HMOX2: variants seen among roughly 807,000 people sequenced by gnomAD.
HMOX2 encodes heme oxygenase (decycling) 2.
In HMOX2, 30 loss-of-function variants were observed where a neutral mutation model predicts 33.7. That is an observed-to-expected ratio of 0.89 (90% CI 0.67 to 1.21). The LOEUF is 1.21. Ranked by LOEUF, HMOX2 falls within the 50% of genes most tolerant of loss-of-function variation. HMOX2 has a pLI of 0.00. For synonymous variants in HMOX2, 155 were observed against 155.0 expected, an observed-to-expected ratio of 1.00 and a Z score of 0.00; for missense variants, 403 against 399.1, an observed-to-expected ratio of 1.01 and a Z score of -0.08.
intron 5 of HMOX2, 41 bp from the exon 6 acceptor site, chr16:4,509,588 A>C: frequency 6.2e-7 from 1 of 1,613,322 alleles, no homozygotes; most frequent in Middle Eastern, 1.7e-4. Flanking sequence ...GTAGCAGGAG[A>C]CTCCACTGAT....
At chr16:4,484,390 A>G (rs1413843709) in intron 1 of HMOX2, among the ~76,000 whole-genome samples, 2 of 151,884 alleles carry the variant, frequency 1.3e-5, no homozygotes, top group African/African-American at 4.8e-5. Flanking sequence ...ATCCCTCAGT[A>G]TCTGTGGAGA....
In HMOX2 at chr16:4,505,494, G is replaced by A. The variant is rs1199843396; in HGVS notation, c.-31G>A. On this transcript the variant is annotated 5_prime_UTR_variant, in exon 2 of 6. Transcript: ENST00000570646. ...CTTGTGTCTCTGCAGGACCAGAGGAGCGAGAGCAGCAAGAACCACACCCAG... is the reference window on the plus strand; with the variant it reads ...CTTGTGTCTCTGCAGGACCAGAGGAACGAGAGCAGCAAGAACCACACCCAG... 1 of 1,554,756 alleles carries A rather than the reference G, an allele frequency of 6.4e-7. No individual in the cohort carries two copies. The highest frequency in any genetic ancestry group is 8.8e-7 in the Non-Finnish European group (1 of 1,137,400).
At chr16:4,483,286 A>C in intron 1 of HMOX2, among the ~76,000 whole-genome samples, 1 of 151,232 alleles carries the variant, frequency 6.6e-6, no homozygotes, top group East Asian at 1.9e-4. Context: ...TGATCAACTC[A>C]ACCTTTAGAC....
intron 1 of HMOX2, among the ~76,000 whole-genome samples, chr16:4,482,354 CAA>C (rs2058052240): frequency 6.6e-6 from 1 of 152,112 alleles, no homozygotes. Flanking sequence ...CAAAAAAACC[CAA>C]AGTCTTTTTT....
At position 4,507,897 on chromosome 16, in the gene HMOX2, C is replaced by T; in HGVS notation, c.389C>T (p.Ala130Val). 2.5e-6 allele frequency: 4 copies of T among 1,614,098 alleles called. No homozygotes were observed. Among genetic ancestry groups the T allele is most frequent in the Non-Finnish European group, 3.4e-6 (4 of 1,180,004 alleles). Residue 130 changes from alanine (A) to valine (V), a missense_variant, in exon 4 of 6, where the codon GCT (alanine) becomes GTT (valine). By Grantham distance (64) the Ala-to-Val change is moderately conservative. Coordinates refer to ENST00000570646, the MANE Select transcript of HMOX2 (RefSeq NM_002134.4). ...NWEEQVQCPK[A>V]AQKYVERIHY... ...GAGGAGCAGGTGCAGTGCCCCAAGG[C>T]TGCCCAGAAGTACGTGGAGCGGATC...
chr16:4,483,838 C>T (rs2058093977), intron 1 of HMOX2: 1 of 152,122 alleles, frequency 6.6e-6, no homozygotes, highest in African/African-American at 2.4e-5. Context: ...TCTTGAACTC[C>T]TGACCTCAAG....
chr16:4,478,247 C>T (rs2057923220), intron 1 of HMOX2, among the ~76,000 whole-genome samples: 1 of 152,154 alleles, frequency 6.6e-6, no homozygotes, highest in African/African-American at 2.4e-5. Flanking sequence ...AATGCCAGTG[C>T]CAGTGAGTTA....
chr16:4,505,408 G>A (rs2058664835), intron 1 of HMOX2, 76 bp from the exon 2 acceptor site: 1 of 675,910 alleles, frequency 1.5e-6, no homozygotes, highest in South Asian at 1.9e-5. Flanking sequence ...TTCGCTCTGA[G>A]GAAAGCAGAA....
intron 4 of HMOX2, 128 bp from the exon 5 acceptor site, chr16:4,509,284 G>A: frequency 8.3e-7 from 1 of 1,208,962 alleles, no homozygotes; most frequent in Non-Finnish European, 1.2e-6. Flanking sequence ...AGGCTGCAGT[G>A]AGTTAGCCAT....
intron 1 of HMOX2, among the ~76,000 whole-genome samples, chr16:4,482,387 C>T (rs1360602814): frequency 6.6e-6 from 1 of 152,176 alleles, no homozygotes; most frequent in African/African-American, 2.4e-5. Context: ...CCCACAGTCA[C>T]TCAACACAAC....
chr16:4,495,040 A>G (rs2058386313), intron 1 of HMOX2, among the ~76,000 whole-genome samples: 1 of 152,208 alleles, frequency 6.6e-6, no homozygotes, highest in Admixed American at 6.5e-5. Flanking sequence ...GAAGTTGTTT[A>G]GAGTAGAAGA....
At chr16:4,509,179 C>T (rs1297095278) in intron 4 of HMOX2, among the ~76,000 whole-genome samples, 4 of 152,132 alleles carry the variant, frequency 2.6e-5, no homozygotes, top group African/African-American at 9.7e-5. Context: ...CAAGGTGAGA[C>T]ACCATCTCCC....
intron 1 of HMOX2, among the ~76,000 whole-genome samples, chr16:4,479,161 A>G (rs1048450581): frequency 6.6e-6 from 1 of 152,182 alleles, no homozygotes; most frequent in Admixed American, 6.6e-5. Context: ...CAAAGAAAAA[A>G]AAATTCTATC....
In HMOX2 at chr16:4,508,018, G is replaced by C; in HGVS notation, c.510G>C (p.Val170=). ...DLSGGQVLKK[V]AQRALKLPST... ...CGGGGGGCCAGGTGCTGAAGAAGGT[G>C]GCCCAGCGAGCACTGAAACTCCCCA... The change falls in exon 4 of 6, where the codon GTG becomes GTC. Residue 170 remains valine (V), a synonymous_variant. Transcript: ENST00000570646. The C allele has an allele frequency of 6.2e-7, 1 of 1,614,028 alleles. No homozygotes were observed. Among genetic ancestry groups the C allele is most frequent in the Non-Finnish European group, 8.5e-7 (1 of 1,179,998 alleles).
At chr16:4,498,745 C>T (rs1203744296) in intron 1 of HMOX2, among the ~76,000 whole-genome samples, 3 of 152,152 alleles carry the variant, frequency 2.0e-5, no homozygotes, top group Non-Finnish European at 4.4e-5. Context: ...TGAATTCCCC[C>T]AGCGATTGAA....
intron 1 of HMOX2, among the ~76,000 whole-genome samples, chr16:4,500,430 A>C (rs1836407749): frequency 6.6e-6 from 1 of 151,994 alleles, no homozygotes; most frequent in Admixed American, 6.6e-5. Context: ...GTAGCTGGTC[A>C]CTGTCAAGTG....
intron 1 of HMOX2, among the ~76,000 whole-genome samples, chr16:4,494,811 C>A (rs2058381380): frequency 6.6e-6 from 1 of 151,862 alleles, no homozygotes; most frequent in East Asian, 1.9e-4. Context: ...CCTGGGAAAT[C>A]CAGGCTGCAG....
intron 3 of HMOX2, among the ~76,000 whole-genome samples, chr16:4,507,457 A>C (rs1182826718): frequency 2.0e-5 from 3 of 152,144 alleles, no homozygotes; most frequent in Non-Finnish European, 2.9e-5. Flanking sequence ...GCCAAAAAAA[A>C]AAAAAATTGG....
At chr16:4,487,657 G>C (rs2058203053) in intron 1 of HMOX2, among the ~76,000 whole-genome samples, 1 of 152,100 alleles carries the variant, frequency 6.6e-6, no homozygotes, top group African/African-American at 2.4e-5. Flanking sequence ...AAAATTAGCT[G>C]GGCGTGGTGG....
Sources: allele counts gnomAD v4.1 joint callset (sites outside exome capture counted in the v4.1 genomes callset), GRCh38; gene constraint gnomAD v4.1.1; transcripts MANE v1.5; gene names NCBI Gene and HGNC (gene_info 2026-07-23, HGNC 2026-07-21).